The following CADM1 variants were observed in gnomAD, a reference collection of about 807,000 sequenced individuals.
CADM1 encodes cell adhesion molecule 1, also known as TSLC-1.
Under a neutral mutation model 53.1 loss-of-function variants are expected in CADM1, and 15 were observed. The ratio of observed to expected loss-of-function variants is 0.28; its 90% confidence interval spans 0.19 to 0.44. The LOEUF (loss-of-function observed/expected upper bound fraction) is 0.44. CADM1 is among the 20% of genes least tolerant of loss of function. CADM1 has a pLI of 1.00. For synonymous variants in CADM1, 281 were observed against 243.0 expected, an observed-to-expected ratio of 1.16 and a Z score of -1.45; for missense variants, 434 against 611.3, an observed-to-expected ratio of 0.71 and a Z score of 3.06.
chr11:115,227,838 A>G (rs1941668749), intron 5 of CADM1, among the ~76,000 whole-genome samples: 2 of 152,244 alleles, frequency 1.3e-5, no homozygotes, highest in Admixed American at 1.3e-4. Flanking sequence ...CATTTTGCTC[A>G]GATCATTTAG....
intron 8 of CADM1, among the ~76,000 whole-genome samples, chr11:115,204,545 T>C (rs904900025): frequency 6.6e-6 from 1 of 151,964 alleles, no homozygotes; most frequent in African/African-American, 2.4e-5. Context: ...CAAATATCAA[T>C]AGCAAAGAGT....
intron 1 of CADM1, among the ~76,000 whole-genome samples, chr11:115,395,647 G>A (rs220872): frequency 0.4 from 61,260 of 151,958 alleles, 13,094 homozygotes; most frequent in Non-Finnish European, 0.49. Context: ...GCCAGCAATC[G>A]GAGATGTTTG....
chr11:115,361,027 C>T (rs569811924), intron 1 of CADM1, among the ~76,000 whole-genome samples: 1 of 152,236 alleles, frequency 6.6e-6, no homozygotes, highest in South Asian at 2.1e-4. Context: ...TGATTAAGAA[C>T]CCCCAAAACA....
At chr11:115,388,523 G>A (rs1946757016) in intron 1 of CADM1, among the ~76,000 whole-genome samples, 1 of 152,030 alleles carries the variant, frequency 6.6e-6, no homozygotes, top group Non-Finnish European at 1.5e-5. Flanking sequence ...ATCAGGCAAT[G>A]CCCTGATCAG....
At chr11:115,181,743 GTTCTT>G (rs1230370536) in intron 10 of CADM1, among the ~76,000 whole-genome samples, 3 of 152,104 alleles carry the variant, frequency 2.0e-5, no homozygotes, top group Admixed American at 6.5e-5. Flanking sequence ...ATCTCAGTCC[GTTCTT>G]TTATTTCCAC....
At chr11:115,375,796 G>A (rs1354242884) in intron 1 of CADM1, among the ~76,000 whole-genome samples, 2 of 152,018 alleles carry the variant, frequency 1.3e-5, no homozygotes, top group Admixed American at 1.3e-4. Context: ...TCTATCATAT[G>A]CCACTTGAGT....
intron 1 of CADM1, among the ~76,000 whole-genome samples, chr11:115,261,952 T>C (rs1416949521): frequency 6.6e-6 from 1 of 152,108 alleles, no homozygotes; most frequent in Non-Finnish European, 1.5e-5. Flanking sequence ...ACTAATTTTT[T>C]GTATTTTTAG....
intron 1 of CADM1, among the ~76,000 whole-genome samples, chr11:115,283,171 T>C (rs1240665602): frequency 1.3e-5 from 2 of 152,196 alleles, no homozygotes; most frequent in Non-Finnish European, 2.9e-5. Context: ...CTCTAAATTA[T>C]ATTCTGCCCT....
chr11:115,224,867 A>C (rs1565308996), intron 5 of CADM1, among the ~76,000 whole-genome samples: 1 of 152,170 alleles, frequency 6.6e-6, no homozygotes, highest in Non-Finnish European at 1.5e-5. Context: ...ACCGTGCTAC[A>C]ATTGTATCAC....
chr11:115,432,848 A>G (rs1209736908), intron 1 of CADM1, among the ~76,000 whole-genome samples: 1 of 152,222 alleles, frequency 6.6e-6, no homozygotes, highest in African/African-American at 2.4e-5. Flanking sequence ...ATCGGCTTAC[A>G]AAGAAAAAGA....
At chr11:115,317,769 C>T (rs561312629) in intron 1 of CADM1, among the ~76,000 whole-genome samples, 2 of 152,332 alleles carry the variant, frequency 1.3e-5, no homozygotes, top group Admixed American at 6.5e-5. Flanking sequence ...CATTAACAAA[C>T]TGCCCTTAAT....
intron 1 of CADM1, among the ~76,000 whole-genome samples, chr11:115,450,248 A>G (rs1227738168): frequency 6.6e-6 from 1 of 152,210 alleles, no homozygotes; most frequent in Non-Finnish European, 1.5e-5. Flanking sequence ...AGCACCAATC[A>G]TAAAATACTG....
intron 1 of CADM1, among the ~76,000 whole-genome samples, chr11:115,250,135 C>T (rs931059029): frequency 1.3e-5 from 2 of 152,118 alleles, no homozygotes; most frequent in African/African-American, 4.8e-5. Flanking sequence ...GATCTCCTGA[C>T]CTCGTGATCT....
intron 1 of CADM1, among the ~76,000 whole-genome samples, chr11:115,354,554 C>T (rs1281550904): frequency 6.6e-6 from 1 of 152,150 alleles, no homozygotes; most frequent in Non-Finnish European, 1.5e-5. Context: ...CTGCTTAAAG[C>T]CCTGATGGGA....
At chr11:115,378,810 T>C (rs1946503879) in intron 1 of CADM1, among the ~76,000 whole-genome samples, 1 of 152,230 alleles carries the variant, frequency 6.6e-6, no homozygotes, top group Non-Finnish European at 1.5e-5. Flanking sequence ...CAGAGCTGAG[T>C]AGTTGTGAAA....
chr11:115,319,067 A>G (rs1241648309), intron 1 of CADM1, among the ~76,000 whole-genome samples: 3 of 152,170 alleles, frequency 2.0e-5, no homozygotes, highest in Non-Finnish European at 2.9e-5. Context: ...CTGAGGCTCA[A>G]TGAGATGAAA....
intron 1 of CADM1, among the ~76,000 whole-genome samples, chr11:115,252,792 C>T (rs551614996): frequency 3.9e-5 from 6 of 152,176 alleles, no homozygotes; most frequent in Admixed American, 6.5e-5. Flanking sequence ...TGAGGGAATA[C>T]GGTGTTTCAC....
At chr11:115,338,461 A>C (rs1459384411) in intron 1 of CADM1, among the ~76,000 whole-genome samples, 1 of 152,196 alleles carries the variant, frequency 6.6e-6, no homozygotes, top group Non-Finnish European at 1.5e-5. Flanking sequence ...GAAAGACTTA[A>C]AGAACTAATA....
intron 1 of CADM1, among the ~76,000 whole-genome samples, chr11:115,455,801 A>C (rs1422930094): frequency 6.6e-6 from 1 of 152,228 alleles, no homozygotes; most frequent in Non-Finnish European, 1.5e-5. Flanking sequence ...CTGGTTCATT[A>C]GCATTTCTAT....
Sources: allele counts gnomAD v4.1 joint callset (sites outside exome capture counted in the v4.1 genomes callset), GRCh38; gene constraint gnomAD v4.1.1; transcripts MANE v1.5; gene names NCBI Gene and HGNC (gene_info 2026-07-23, HGNC 2026-07-21).